Variants in DGKH observed in about 807,000 individuals in gnomAD.
DGKH encodes the protein diacylglycerol kinase eta, also known as DAG kinase eta.
Under a neutral mutation model 159.3 loss-of-function variants are expected in DGKH, and 90 were observed. The observed-to-expected ratio is 0.57, with a 90% CI of 0.48 to 0.67. The LOEUF is 0.67. Among genes scored for constraint, DGKH ranks in the 30% least tolerant of loss-of-function variants. The pLI is 0.00. For missense variants in DGKH, 1,181 were observed against 1,506.1 expected (o/e 0.78, Z 3.57); for synonymous variants, 536 against 553.8 (o/e 0.97, Z 0.45).
intron 1 of DGKH, chr13:42,040,258 G>T (rs893664032): frequency 6.6e-6 from 1 of 152,214 alleles, no homozygotes; most frequent in African/African-American, 2.4e-5. Flanking sequence ...GAGAGACAGG[G>T]GCGCTGGGAG....
At chr13:42,043,388 G>A (rs1287717044) in intron 1 of DGKH, among the ~76,000 whole-genome samples, 1 of 152,018 alleles carries the variant, frequency 6.6e-6, no homozygotes, top group Non-Finnish European at 1.5e-5. Flanking sequence ...GGGGCTTGCT[G>A]TGTTGCCCAG....
At chr13:42,163,274 T>C (rs1298744647) in intron 7 of DGKH, among the ~76,000 whole-genome samples, 1 of 152,108 alleles carries the variant, frequency 6.6e-6, no homozygotes, top group Non-Finnish European at 1.5e-5. Context: ...GTTGGACATT[T>C]GGGTTGGTTC....
In DGKH at chr13:42,178,699, G is replaced by T. The variant is rs560348119; in HGVS notation, c.1538+479G>T. Among the ~76,000 whole-genome samples, 5 of 152,280 alleles carry T rather than the reference G, an allele frequency of 3.3e-5. No homozygotes were observed. In the South Asian group the frequency reaches 1.0e-3, roughly 32 times the overall value. Reference sequence around the variant, plus strand: ...TTCAAAGTTATCATATTTTAGTGAAGTTGATTTTGTACATGGAGCCAAAGC... The same window carrying T: ...TTCAAAGTTATCATATTTTAGTGAATTTGATTTTGTACATGGAGCCAAAGC... On this transcript the variant is annotated intron_variant, in intron 13 of 29. Coordinates refer to ENST00000337343, the MANE Select transcript of DGKH (RefSeq NM_178009.5).
chr13:42,191,740 T>A (rs1245997023), intron 16 of DGKH, among the ~76,000 whole-genome samples: 1 of 152,198 alleles, frequency 6.6e-6, no homozygotes, highest in Non-Finnish European at 1.5e-5. Context: ...TTTATTAATA[T>A]GTTGTTGCTA....
intron 7 of DGKH, among the ~76,000 whole-genome samples, chr13:42,160,406 T>C (rs892795267): frequency 6.6e-6 from 1 of 152,246 alleles, no homozygotes; most frequent in Non-Finnish European, 1.5e-5. Context: ...TTTTGCTTTA[T>C]CAACAAAGTG....
At chr13:42,149,041 C>T (rs1190318256) in intron 3 of DGKH, among the ~76,000 whole-genome samples, 1 of 148,144 alleles carries the variant, frequency 6.8e-6, no homozygotes, top group Non-Finnish European at 1.5e-5. Context: ...ATCTCCTGGG[C>T]TCAGGTGATC....
At chr13:42,139,934 A>G (rs60706070) in intron 3 of DGKH, among the ~76,000 whole-genome samples, 15,312 of 152,202 alleles carry the variant, frequency 0.1, 1,855 homozygotes, top group African/African-American at 0.29. Flanking sequence ...TCGCCTCCCA[A>G]CTGGGACTGG....
chr13:42,072,702 A>G (rs1202848963), intron 1 of DGKH, among the ~76,000 whole-genome samples: 1 of 152,212 alleles, frequency 6.6e-6, no homozygotes, highest in Non-Finnish European at 1.5e-5. Context: ...TTCTGTTTAT[A>G]ATTAACACCT....
intron 3 of DGKH, among the ~76,000 whole-genome samples, chr13:42,141,453 C>A (rs1241290886): frequency 6.6e-6 from 1 of 152,110 alleles, no homozygotes; most frequent in Non-Finnish European, 1.5e-5. Context: ...ATTTCTAGTT[C>A]TAGATTCCTG....
chr13:42,221,960 T>C (rs347385), intron 29 of DGKH, among the ~76,000 whole-genome samples: 93,567 of 152,084 alleles, frequency 0.62, 29,341 homozygotes, highest in East Asian at 0.75. Context: ...AAAATTCTAT[T>C]ATTCTCAAAA....
chr13:42,104,838 T>C (rs896119456), intron 1 of DGKH, among the ~76,000 whole-genome samples: 1 of 152,202 alleles, frequency 6.6e-6, no homozygotes, highest in African/African-American at 2.4e-5. Flanking sequence ...CATCATTATT[T>C]GGCTGAATTT....
At chr13:42,040,629 C>T (rs1018960965) in intron 1 of DGKH, among the ~76,000 whole-genome samples, 1 of 150,204 alleles carries the variant, frequency 6.7e-6, no homozygotes, top group Non-Finnish European at 1.5e-5. Context: ...CTCGGAGCCG[C>T]GCAGGGGAGC....
In DGKH at chr13:42,101,772, TGAGAGA is replaced by T. The variant is rs35380630; in HGVS notation, c.193-25674_193-25669del. ...AGAGGTATGTGTGTATGTGTGTGTG[TGAGAGA>T]GAGAGAGAGAGAGAGAAAGAGAGAG... On this transcript the variant is annotated intron_variant, in intron 1 of 29. Transcript: ENST00000337343. Among the ~76,000 whole-genome samples the T allele has an allele frequency of 1.3e-4, 19 of 148,954 alleles. No homozygotes were observed. The East Asian group carries it at 2.7e-3, about 22-fold the overall frequency.
At chr13:42,054,644 T>C (rs752085922) in intron 1 of DGKH, among the ~76,000 whole-genome samples, 3 of 152,226 alleles carry the variant, frequency 2.0e-5, no homozygotes, top group Non-Finnish European at 2.9e-5. Context: ...TAAGTTCTTA[T>C]TCTGGAGAAT....
intron 3 of DGKH, among the ~76,000 whole-genome samples, chr13:42,147,709 A>AT (rs1466988844): frequency 1.3e-5 from 2 of 152,254 alleles, no homozygotes; most frequent in African/African-American, 2.4e-5. Flanking sequence ...GAAAGCCTAC[A>AT]TAAATAATTT....
intron 1 of DGKH, among the ~76,000 whole-genome samples, chr13:42,126,926 C>T (rs1377457516): frequency 2.6e-5 from 4 of 152,216 alleles, no homozygotes; most frequent in Admixed American, 1.3e-4. Context: ...TGAGCACATA[C>T]TATACACCAT....
In DGKH at chr13:42,239,193, A is replaced by C. The variant is rs973636741; in HGVS notation, c.*10005A>C. Reference sequence around the variant, plus strand: ...GAAATTAATTATAATTTTAATTAGAACATGCTCTGTTTACAGATTATAATT... The same window carrying C: ...GAAATTAATTATAATTTTAATTAGACCATGCTCTGTTTACAGATTATAATT... On this transcript the variant is annotated 3_prime_UTR_variant, in exon 30 of 30. Coordinates refer to ENST00000337343, the MANE Select transcript of DGKH (RefSeq NM_178009.5). 1.3e-5 allele frequency: 2 copies of C among 152,176 alleles called. No individual in the cohort carries two copies. Among genetic ancestry groups the C allele is most frequent in the Non-Finnish European group, 2.9e-5 (2 of 67,996 alleles). 9.4% of individuals were successfully genotyped at this position (152,176 alleles called of 1,614,324 possible).
intron 1 of DGKH, among the ~76,000 whole-genome samples, chr13:42,083,985 CA>C (rs1954257759): frequency 1.3e-5 from 2 of 152,032 alleles, no homozygotes; most frequent in Non-Finnish European, 2.9e-5. Flanking sequence ...AGACAGCGAC[CA>C]AAAGTGACCT....
At chr13:42,142,902 TAA>T (rs1434281613) in intron 3 of DGKH, among the ~76,000 whole-genome samples, 1 of 152,204 alleles carries the variant, frequency 6.6e-6, no homozygotes, top group Admixed American at 6.5e-5. Context: ...TTCTCCTGCC[TAA>T]TTGCCCTGGC....
Sources: gnomAD v4.1 joint callset for allele counts (sites outside exome capture counted in the v4.1 genomes callset) on GRCh38, gnomAD v4.1.1 for gene constraint, MANE v1.5 for transcripts, NCBI Gene and HGNC (gene_info 2026-07-23, HGNC 2026-07-21) for gene names.